Variants in BRWD1 observed in about 807,000 individuals in gnomAD.
BRWD1 encodes the protein bromodomain and WD repeat domain containing 1.
A neutral mutation model predicts 251.2 loss-of-function variants in BRWD1; 82 were observed. The observed-to-expected ratio is 0.33, with a 90% CI of 0.27 to 0.39. BRWD1 has a LOEUF of 0.39. BRWD1 is among the 10% of genes least tolerant of loss of function. The probability of loss-of-function intolerance (pLI) is 1.00; values close to 1 mark genes in which losing one functional copy is unlikely to be tolerated. For synonymous variants in BRWD1, 918 were observed against 902.8 expected (o/e 1.02, Z -0.30); for missense variants, 2,233 against 2,711.6 (o/e 0.82, Z 3.92).
intron 8 of BRWD1, among the ~76,000 whole-genome samples, chr21:39,293,116 T>G (rs1015389850): frequency 3.3e-5 from 5 of 152,174 alleles, no homozygotes; most frequent in African/African-American, 1.2e-4. Flanking sequence ...GACAGATACA[T>G]AGGGGTTTAT....
At chr21:39,241,029 T>C (rs2033972627) in intron 21 of BRWD1, among the ~76,000 whole-genome samples, 1 of 151,602 alleles carries the variant, frequency 6.6e-6, no homozygotes, top group Non-Finnish European at 1.5e-5. Flanking sequence ...GCCTCCCAAG[T>C]AGCTGGGATT....
At position 39,195,953 on chromosome 21, in the gene BRWD1, T is replaced by C. The variant is rs1442373115; in HGVS notation, c.*306A>G. ...CTTGCTGCCATGAAAGTAATGCTCA[T>C]TGGTTTTGATAACCAGGATGTCTAG... On this transcript the variant is annotated 3_prime_UTR_variant, in exon 41 of 41. Coordinates refer to ENST00000342449, the MANE Select transcript of BRWD1 (RefSeq NM_033656.4). 1.7e-5 allele frequency: 18 copies of C among 1,047,754 alleles called. No homozygotes were observed. Among genetic ancestry groups the C allele is most frequent in the African/African-American group, 3.4e-5 (2 of 59,156 alleles). 64.9% of individuals were successfully genotyped at this position (1,047,754 alleles called of 1,614,324 possible).
At chr21:39,231,650 C>T (rs988608520) in intron 25 of BRWD1, among the ~76,000 whole-genome samples, 3 of 152,118 alleles carry the variant, frequency 2.0e-5, no homozygotes, top group East Asian at 1.9e-4. Flanking sequence ...AAGCCTGGAC[C>T]ACTTCACACA....
At chr21:39,280,815 A>G (rs2035432085) in intron 8 of BRWD1, among the ~76,000 whole-genome samples, 1 of 152,230 alleles carries the variant, frequency 6.6e-6, no homozygotes, top group Non-Finnish European at 1.5e-5. Flanking sequence ...ATACATTCGA[A>G]ATGGGTCAAT....
Position 39,188,718 on chromosome 21 carries a change from C to G in BRWD1, c.*7541G>C, listed in dbSNP as rs2031383932. On this transcript the variant is annotated 3_prime_UTR_variant, in exon 41 of 41. Coordinates refer to ENST00000342449, the MANE Select transcript of BRWD1 (RefSeq NM_033656.4). ...TCTATGAAACTGATTTCACACTTCT[C>G]TAAGATCAGTTGAGCGTTCTCCCCA... The G allele has an allele frequency of 1.0e-6, 1 of 985,316 alleles. No individual in the cohort carries two copies. Among genetic ancestry groups the G allele is most frequent in the South Asian group, 4.7e-5 (1 of 21,294 alleles). The allele number at this position is 985,316 out of a possible 1,614,324, so 61.0% of individuals were successfully genotyped here. A position where few individuals can be genotyped will look rare whatever the true frequency, so the allele number is the denominator to read the frequency against.
intron 2 of BRWD1, 24 bp downstream of exon 2, chr21:39,313,201 GGGACGCCAAGTCCGCA>G: frequency 6.6e-7 from 1 of 1,521,368 alleles, no homozygotes; most frequent in Non-Finnish European, 8.8e-7. Flanking sequence ...GGGGACACTG[GGGACGCCAAGTCCGCA>G]GCCGCCCGCG....
intron 21 of BRWD1, among the ~76,000 whole-genome samples, chr21:39,241,362 G>C (rs1601360496): frequency 1.3e-5 from 2 of 150,610 alleles, no homozygotes; most frequent in Admixed American, 1.3e-4. Flanking sequence ...CTGCTACTTG[G>C]GAGGCTGAGG....
At chr21:39,258,718 C>CA (rs770726409) in intron 17 of BRWD1, 46 bp from the exon 18 acceptor site, 241 of 1,336,582 alleles carry the variant, frequency 1.8e-4, no homozygotes, top group South Asian at 2.7e-4. Flanking sequence ...AAGCAGAAAA[C>CA]AAAAAAAAAT....
At chr21:39,226,960 C>CA (rs887082974) in intron 27 of BRWD1, among the ~76,000 whole-genome samples, 12 of 151,592 alleles carry the variant, frequency 7.9e-5, no homozygotes, top group Non-Finnish European at 1.6e-4. Context: ...CCTGTCTCCA[C>CA]AAAAAAAATT....
At chr21:39,294,053 A>G in intron 7 of BRWD1, 21 bp from the exon 8 acceptor site, 2 of 1,591,396 alleles carry the variant, frequency 1.3e-6, no homozygotes, top group Non-Finnish European at 1.7e-6. Flanking sequence ...ATATATCCAA[A>G]AATTAATGTT....
At chr21:39,184,495 T>C (rs372153694), downstream of BRWD1, 2 of 152,220 alleles carry the variant, frequency 1.3e-5, no homozygotes, top group Non-Finnish European at 2.9e-5. Context: ...TTTCCTAGAT[T>C]TAGTTGTACC....
intron 4 of BRWD1, among the ~76,000 whole-genome samples, chr21:39,298,921 T>C (rs1303380142): frequency 6.6e-6 from 1 of 152,158 alleles, no homozygotes; most frequent in Non-Finnish European, 1.5e-5. Flanking sequence ...ATCAAGACTT[T>C]ACTCAAAATT....
chr21:39,288,087 G>C (rs2035697750), intron 8 of BRWD1, among the ~76,000 whole-genome samples: 1 of 152,128 alleles, frequency 6.6e-6, no homozygotes, highest in African/African-American at 2.4e-5. Context: ...AGGCTTAACT[G>C]GGAATAGGGG....
chr21:39,318,628 C>T (rs569779570), upstream of BRWD1, among the ~76,000 whole-genome samples: 4 of 152,262 alleles, frequency 2.6e-5, no homozygotes, highest in African/African-American at 9.6e-5. Flanking sequence ...TCCCTGGCTC[C>T]TGGGCTGTTT....
At chr21:39,311,099 G>C (rs2036467952) in intron 4 of BRWD1, among the ~76,000 whole-genome samples, 1 of 151,816 alleles carries the variant, frequency 6.6e-6, no homozygotes, top group African/African-American at 2.4e-5. Flanking sequence ...CAGAATTTAA[G>C]TGATTTTAAA....
chr21:39,217,985 C>T (rs868059433), intron 31 of BRWD1, among the ~76,000 whole-genome samples, 167 bp downstream of exon 31: 14 of 152,084 alleles, frequency 9.2e-5, no homozygotes, highest in Non-Finnish European at 2.1e-4. Context: ...CCTGGCCCTA[C>T]CCACACCTAC....
intron 34 of BRWD1, among the ~76,000 whole-genome samples, chr21:39,211,722 T>C (rs1287444268): frequency 6.6e-6 from 1 of 152,128 alleles, no homozygotes; most frequent in Admixed American, 6.5e-5. Context: ...TACTAAACAC[T>C]TGGGAGTCTA....
At chr21:39,296,522 G>A (rs1293886755) in intron 5 of BRWD1, 159 bp from the exon 6 acceptor site, 2 of 1,245,086 alleles carry the variant, frequency 1.6e-6, no homozygotes, top group East Asian at 3.1e-5. Context: ...GACTATTTCT[G>A]AAGAAAAAGA....
Position 39,192,105 on chromosome 21 carries a change from T to C in BRWD1, c.*4154A>G, listed in dbSNP as rs550872039. 13 of 985,062 alleles carry C rather than the reference T, an allele frequency of 1.3e-5. No individual in the cohort carries two copies. The African/African-American group carries it at 1.9e-4, about 15-fold the overall frequency. The allele number at this position is 985,062 out of a possible 1,614,324, so 61.0% of individuals were successfully genotyped here. On this transcript the variant is annotated 3_prime_UTR_variant, in exon 41 of 41. Coordinates refer to ENST00000342449, the MANE Select transcript of BRWD1 (RefSeq NM_033656.4). The stretch of plus-strand genomic sequence containing the variant: ...AGATATTTTTCTACCAATTTAACAA[T>C]ATATTAGGAACCAGCTTGGCAGATT...
Sources: gnomAD v4.1 joint callset for allele counts (sites outside exome capture counted in the v4.1 genomes callset) on GRCh38, gnomAD v4.1.1 for gene constraint, MANE v1.5 for transcripts, NCBI Gene and HGNC (gene_info 2026-07-23, HGNC 2026-07-21) for gene names.